The following LRRC57 variants were observed in gnomAD, a reference collection of about 807,000 sequenced individuals.
LRRC57 encodes the protein leucine rich repeat containing 57, also known as leucine-rich repeat-containing protein 57.
A neutral mutation model predicts 23.1 loss-of-function variants in LRRC57; 14 were observed. That is an observed-to-expected ratio of 0.61 (90% CI 0.40 to 0.95). The LOEUF (loss-of-function observed/expected upper bound fraction) is 0.95. LRRC57 is among the 40% of genes least tolerant of loss of function. The probability of loss-of-function intolerance (pLI) is 0.00; values close to 1 mark genes in which losing one functional copy is unlikely to be tolerated. For missense variants in LRRC57, 236 were observed against 284.4 expected, an observed-to-expected ratio of 0.83 and a Z score of 1.22; for synonymous variants, 106 against 115.2, an observed-to-expected ratio of 0.92 and a Z score of 0.51.
chr15:42,539,711 T>C lies in LRRC57; in HGVS notation c.*4372A>G, dbSNP rs1254998849. 1.3e-5 allele frequency: 2 copies of C among 152,320 alleles called. No homozygotes were observed. The highest frequency in any genetic ancestry group is 4.8e-5 in the African/African-American group (2 of 41,572). The allele number at this position is 152,320 out of a possible 1,614,324, so 9.4% of individuals were successfully genotyped here. A position where few individuals can be genotyped will look rare whatever the true frequency, so the allele number is the denominator to read the frequency against. On this transcript the variant is annotated 3_prime_UTR_variant, in exon 6 of 6. Transcript: ENST00000397130. ...CAAGCTAGTTTACTTGATTAGCTCA[T>C]ATTTAAATCTAAATCTTGTTTGCTG...
intron 5 of LRRC57, among the ~76,000 whole-genome samples, chr15:42,544,764 C>T (rs1258909449): frequency 6.7e-6 from 1 of 150,206 alleles, no homozygotes; most frequent in Non-Finnish European, 1.5e-5. Flanking sequence ...CGCCAGTGAG[C>T]TGAGATTGCG....
chr15:42,531,123 G>C, the LRRC57 span, among the ~76,000 whole-genome samples: 1 of 152,168 alleles, frequency 6.6e-6, no homozygotes, highest in Admixed American at 6.5e-5. Flanking sequence ...AAATGCCATT[G>C]ATTACAGGAT....
the LRRC57 span, among the ~76,000 whole-genome samples, chr15:42,530,420 A>G: frequency 6.6e-6 from 1 of 152,142 alleles, no homozygotes; most frequent in Non-Finnish European, 1.5e-5. Context: ...TGATATAAAT[A>G]TAGTGAAAGC....
the LRRC57 span, among the ~76,000 whole-genome samples, chr15:42,529,995 A>G: frequency 6.6e-6 from 1 of 152,204 alleles, no homozygotes; most frequent in Admixed American, 6.5e-5. Context: ...CCTCCCTGTC[A>G]TGGTAGTTGG....
chr15:42,548,247 G>A lies in LRRC57; in HGVS notation c.85-3C>T. On this transcript the variant is annotated splice_region_variant and splice_polypyrimidine_tract_variant and intron_variant, in intron 2 of 5. Coordinates refer to ENST00000397130, the MANE Select transcript of LRRC57 (RefSeq NM_153260.3). ...AGCTTCTGCAAGTCTGCGGGGAACT[G>A]GAGAAAGGAGTTCACAGCGTGGGGA... 1.2e-6 allele frequency: 2 copies of A among 1,614,226 alleles called. No homozygotes were observed.
At chr15:42,531,662 T>C in the LRRC57 span, 3 of 452,644 alleles carry the variant, frequency 6.6e-6, no homozygotes, top group East Asian at 1.0e-4. Context: ...ACTGCTGCTC[T>C]GCCTTCCTTC....
chr15:42,548,044 A>C, intron 3 of LRRC57, 62 bp downstream of exon 3: 3 of 1,578,792 alleles, frequency 1.9e-6, no homozygotes, highest in Non-Finnish European at 1.7e-6. Flanking sequence ...TCAGCTTGTA[A>C]GAGAAAACCA....
the LRRC57 span, among the ~76,000 whole-genome samples, chr15:42,529,102 C>T: frequency 6.6e-6 from 1 of 152,140 alleles, no homozygotes; most frequent in Non-Finnish European, 1.5e-5. Context: ...CTTTTCAGGC[C>T]ATACAGTCCC....
chr15:42,544,834 C>A (rs1191607156), intron 5 of LRRC57, among the ~76,000 whole-genome samples: 2 of 102,034 alleles, frequency 2.0e-5, no homozygotes, highest in Non-Finnish European at 3.7e-5. Context: ...CACACACACA[C>A]ACACACACTA....
intron 5 of LRRC57, among the ~76,000 whole-genome samples, chr15:42,544,861 A>ATAT (rs2057651198): frequency 9.6e-6 from 1 of 104,570 alleles, no homozygotes; most frequent in Non-Finnish European, 1.9e-5. Context: ...TATATATATC[A>ATAT]AAAGACAAAG....
chr15:42,533,591 A>G (rs570787532), downstream of LRRC57, among the ~76,000 whole-genome samples: 3 of 152,334 alleles, frequency 2.0e-5, no homozygotes, highest in African/African-American at 7.2e-5. Flanking sequence ...TGTTCTGGAT[A>G]AAGGAAATAG....
chr15:42,544,213 A>G lies in LRRC57; in HGVS notation c.679-89T>C, dbSNP rs1435306235. On this transcript the variant is annotated intron_variant, in intron 5 of 5. Transcript: ENST00000397130. The stretch of plus-strand genomic sequence containing the variant: ...TATTTTTTTTTTCATTTTGGTTTTT[A>G]TTGCATGTGGTTTTTCATTTCCTAC... 4.9e-6 allele frequency: 5 copies of G among 1,021,426 alleles called. No individual in the cohort carries two copies. The Admixed American group carries it at 1.1e-4, about 23-fold the overall frequency. 63.3% of individuals were successfully genotyped at this position (1,021,426 alleles called of 1,614,324 possible). A position where few individuals can be genotyped will look rare whatever the true frequency, so the allele number is the denominator to read the frequency against.
chr15:42,548,366 G>A lies in LRRC57; in HGVS notation c.69C>T (p.Asp23=). The part of the protein sequence containing the change: ...AQKTGVFQLK[D]RGLTEFPADL... ...CCAGTCTCACCTCGGTCAGCCCTCG[G>A]TCCTTAAGCTGAAAGACACCAGTTT... The change falls in exon 2 of 6, where the codon GAC becomes GAT. Residue 23 remains aspartate, a synonymous_variant. Transcript: ENST00000397130. 1 of 1,614,222 alleles carries A rather than the reference G, an allele frequency of 6.2e-7. No individual in the cohort carries two copies.
chr15:42,548,763 C>A lies in LRRC57; in HGVS notation c.-93G>T, dbSNP rs950025862. 4 of 791,594 alleles carry A rather than the reference C, an allele frequency of 5.1e-6. No individual in the cohort carries two copies. Among genetic ancestry groups the A allele is most frequent in the Middle Eastern group, 3.7e-4 (1 of 2,688 alleles). 49.0% of individuals were successfully genotyped at this position (791,594 alleles called of 1,614,324 possible). On this transcript the variant is annotated 5_prime_UTR_variant, in exon 1 of 6. Transcript: ENST00000397130. ...GACCCGCAGTAGCCGGGATGCGCTC[C>A]CCGGCTTAGTCCCGGGCGGGAACGC... is the stretch of plus-strand genomic sequence containing the variant.
At chr15:42,536,162 ACATAT>A (rs1201940989), downstream of LRRC57, among the ~76,000 whole-genome samples, 5 of 107,264 alleles carry the variant, frequency 4.7e-5, no homozygotes, top group African/African-American at 2.1e-4. Context: ...GATCACCATA[ACATAT>A]CATAATAATG....
rs1350079426 is a variant in LRRC57 at position 42,543,036 on chromosome 15, A to G, written c.*1047T>C. On this transcript the variant is annotated 3_prime_UTR_variant, in exon 6 of 6. Coordinates refer to ENST00000397130, the MANE Select transcript of LRRC57 (RefSeq NM_153260.3). Reference sequence around the variant, plus strand: ...CAGGTACCCACCACCACGCCCAGCTAATTTTTGTATTTTCAGTAGAGACAG... The same window carrying G: ...CAGGTACCCACCACCACGCCCAGCTGATTTTTGTATTTTCAGTAGAGACAG... The G allele has an allele frequency of 6.6e-6, 1 of 151,176 alleles. No individual in the cohort carries two copies. The highest frequency in any genetic ancestry group is 2.4e-5 in the African/African-American group (1 of 41,022). 9.4% of individuals were successfully genotyped at this position (151,176 alleles called of 1,614,324 possible).
Position 42,547,819 on chromosome 15 carries a change from C to T in LRRC57, c.223+287G>A, listed in dbSNP as rs1490213132. On this transcript the variant is annotated intron_variant, in intron 3 of 5. Coordinates refer to ENST00000397130, the MANE Select transcript of LRRC57 (RefSeq NM_153260.3). The stretch of plus-strand genomic sequence containing the variant: ...ATTTGGAAGATCCTCCCCTTCTCAT[C>T]CATCCCCCATTCCAAGTTAGGTAGC... 3 of 547,564 alleles carry T rather than the reference C, an allele frequency of 5.5e-6. No homozygotes were observed. In the African/African-American group the frequency reaches 5.7e-5, roughly 10 times the overall value. The allele number at this position is 547,564 out of a possible 1,614,324, so 33.9% of individuals were successfully genotyped here.
In LRRC57 at chr15:42,545,174, G is replaced by A. The variant is rs749563682; in HGVS notation, c.581C>T (p.Pro194Leu). 2 of 1,611,948 alleles carry A rather than the reference G, an allele frequency of 1.2e-6. No individual in the cohort carries two copies. The highest frequency in any genetic ancestry group is 1.7e-6 in the Non-Finnish European group (2 of 1,178,990). ...EENCLELSML[P>L]QSILSDSQIC... ...CTGGGAATCACTGAGGATGCTCTGG[G>A]GAAGCATGCTGAGCTCAAGACAATT... The change falls in exon 5 of 6, where the codon CCC (proline) becomes CTC (leucine). Residue 194 changes from proline to leucine, a missense_variant. Pro to Leu is a moderately conservative substitution (Grantham distance 98). Coordinates refer to ENST00000397130, the MANE Select transcript of LRRC57 (RefSeq NM_153260.3).
chr15:42,532,749 A>C, the LRRC57 span: 7 of 152,676 alleles, frequency 4.6e-5, no homozygotes, highest in African/African-American at 1.7e-4. Flanking sequence ...AGGTAGAAAA[A>C]TAGATTGCTT....
Sources: allele counts gnomAD v4.1 joint callset (sites outside exome capture counted in the v4.1 genomes callset), GRCh38; gene constraint gnomAD v4.1.1; transcripts MANE v1.5; gene names NCBI Gene and HGNC (gene_info 2026-07-23, HGNC 2026-07-21).